ACAD11: variants seen among roughly 807,000 people sequenced by gnomAD.
ACAD11 encodes the protein acyl-Coenzyme A dehydrogenase family, member 11.
ACAD11 carries 83 observed loss-of-function variants against 102.2 expected under a neutral mutation model. The observed-to-expected ratio is 0.81, with a 90% CI of 0.68 to 0.97. The LOEUF (loss-of-function observed/expected upper bound fraction) is 0.97, where lower values mean the gene tolerates loss of function less well. Among genes scored for constraint, ACAD11 ranks in the 50% least tolerant of loss-of-function variants. The pLI is 0.00. For missense variants in ACAD11, 901 were observed against 951.7 expected (o/e 0.95, Z 0.70); for synonymous variants, 324 against 319.8 (o/e 1.01, Z -0.14).
In ACAD11 at chr3:132,644,798, T is replaced by G. The variant is rs1940655509; in HGVS notation, c.248A>C (p.Gln83Pro). The stretch of plus-strand genomic sequence containing the variant: ...TATCATTACATTTGTATACTATACC[T>G]GATGTGCTTTAGGAAGAAGTGAACC... ...PPGSLLPKAH[Q>P]IDREFKVQKA... The change falls in exon 2 of 20, where the codon CAG (glutamine) becomes CCG (proline). Residue 83 changes from glutamine to proline, a missense_variant and splice_region_variant. Physicochemically the swap from Gln to Pro is moderately conservative, Grantham distance 76. Coordinates refer to ENST00000264990, the MANE Select transcript of ACAD11 (RefSeq NM_032169.5). The G allele has an allele frequency of 1.3e-6, 2 of 1,595,296 alleles. No homozygotes were observed. Among genetic ancestry groups the G allele is most frequent in the Non-Finnish European group, 1.7e-6 (2 of 1,165,942 alleles).
chr3:132,641,653 GGAA>G (rs1205751283), intron 4 of ACAD11, among the ~76,000 whole-genome samples: 2 of 142,044 alleles, frequency 1.4e-5, no homozygotes, highest in Non-Finnish European at 3.1e-5. Flanking sequence ...AAGAAGAGGA[GGAA>G]GAAGAGGAGG....
intron 9 of ACAD11, among the ~76,000 whole-genome samples, chr3:132,622,899 G>C (rs1331905768): frequency 1.3e-5 from 2 of 152,186 alleles, no homozygotes; most frequent in African/African-American, 4.8e-5. Flanking sequence ...CTACTAGAAA[G>C]AAGCAACAGT....
chr3:132,604,955 A>AAATTTT (rs1190204487), intron 12 of ACAD11, 143 bp downstream of exon 12: 14 of 527,764 alleles, frequency 2.7e-5, no homozygotes, highest in Non-Finnish European at 4.4e-5. Context: ...ATTTAATAAC[A>AAATTTT]GGCTCAAAAT....
At chr3:132,619,971 T>A (rs1221431036) in intron 9 of ACAD11, among the ~76,000 whole-genome samples, 1 of 152,222 alleles carries the variant, frequency 6.6e-6, no homozygotes, top group East Asian at 1.9e-4. Context: ...CAGCCAAGTT[T>A]GTCCAGGGCA....
At chr3:132,600,383 A>T (rs1219959553) in intron 13 of ACAD11, 4 of 1,566,410 alleles carry the variant, frequency 2.6e-6, no homozygotes, top group Non-Finnish European at 1.7e-6. Flanking sequence ...TCTCTTTGCC[A>T]TCTAGATTGG....
chr3:132,645,951 T>C (rs1333635237), intron 1 of ACAD11: 1 of 152,238 alleles, frequency 6.6e-6, no homozygotes, highest in Non-Finnish European at 1.5e-5. Flanking sequence ...CAATTTATCT[T>C]TGATGCTGCA....
chr3:132,596,245 A>G (rs909035836), intron 13 of ACAD11, among the ~76,000 whole-genome samples: 1 of 152,164 alleles, frequency 6.6e-6, no homozygotes, highest in South Asian at 2.1e-4. Context: ...ACATGGACAC[A>G]TGGAGGGAAA....
intron 1 of ACAD11, among the ~76,000 whole-genome samples, chr3:132,649,056 C>A (rs748968869): frequency 6.6e-6 from 1 of 152,238 alleles, no homozygotes; most frequent in East Asian, 1.9e-4. Flanking sequence ...TCACCATTCT[C>A]CAGTCTCGAT....
intron 11 of ACAD11, among the ~76,000 whole-genome samples, chr3:132,610,481 T>C (rs11914633): frequency 0.37 from 56,776 of 151,602 alleles, 13,288 homozygotes; most frequent in East Asian, 0.71. Context: ...GCTAGCAAGA[T>C]TAATAAAGAA....
At chr3:132,626,391 CAA>C (rs796100994) in intron 9 of ACAD11, among the ~76,000 whole-genome samples, 6 of 135,368 alleles carry the variant, frequency 4.4e-5, no homozygotes, top group Non-Finnish European at 3.2e-5. Flanking sequence ...TCCATATTTA[CAA>C]AAAAAAAAAA....
At chr3:132,628,248 TA>T in intron 8 of ACAD11, 91 bp downstream of exon 8, 1 of 771,024 alleles carries the variant, frequency 1.3e-6, no homozygotes, top group Non-Finnish European at 2.0e-6. Flanking sequence ...GTGTATGCAA[TA>T]AAAATAATCC....
intron 17 of ACAD11, among the ~76,000 whole-genome samples, chr3:132,561,859 T>C (rs956015809): frequency 3.1e-4 from 47 of 152,232 alleles, no homozygotes; most frequent in African/African-American, 1.1e-3. Flanking sequence ...TGGCAACCAT[T>C]GATAGGTTCT....
intron 1 of ACAD11, among the ~76,000 whole-genome samples, chr3:132,652,176 C>G (rs1353069438): frequency 6.6e-6 from 1 of 152,106 alleles, no homozygotes; most frequent in Admixed American, 6.5e-5. Flanking sequence ...GGCAGTGGGT[C>G]TTTCCTGTGC....
At chr3:132,592,465 G>A (rs1168990849) in intron 13 of ACAD11, among the ~76,000 whole-genome samples, 1 of 152,096 alleles carries the variant, frequency 6.6e-6, no homozygotes, top group East Asian at 1.9e-4. Context: ...CAAGTGCCAG[G>A]ATTAAGTCAG....
chr3:132,579,664 T>C (rs1470271225), intron 13 of ACAD11, 106 bp from the exon 14 acceptor site: 20 of 804,578 alleles, frequency 2.5e-5, no homozygotes, highest in Non-Finnish European at 3.9e-5. Context: ...AGAAAACAAA[T>C]AGAGAGAACA....
In ACAD11 at chr3:132,561,130, T is replaced by C; in HGVS notation, c.2089A>G (p.Thr697Ala). 1 of 1,613,228 alleles carries C rather than the reference T, an allele frequency of 6.2e-7. No individual in the cohort carries two copies. The highest frequency in any genetic ancestry group is 8.5e-7 in the Non-Finnish European group (1 of 1,179,546). Residue 697 changes from threonine to alanine, a missense_variant, in exon 18 of 20, where the codon ACT (threonine) becomes GCT (alanine). Physicochemically the swap from Thr to Ala is moderately conservative, Grantham distance 58 (BLOSUM62 0). Coordinates refer to ENST00000264990, the MANE Select transcript of ACAD11 (RefSeq NM_032169.5). The stretch of plus-strand genomic sequence containing the variant: ...TTCTTAGCGCCAGCACTGCCCAGAG[T>C]GTCCATGCTGTGAGCAGCTTTCAGA... ...LTLKAAHSMD[T>A]LGSAGAKKEI...
intron 13 of ACAD11, chr3:132,600,916 G>T (rs768191948): frequency 2.5e-6 from 4 of 1,611,786 alleles, no homozygotes; most frequent in Middle Eastern, 3.3e-4. Flanking sequence ...TACCCCAGCT[G>T]GTTTTTTATA....
In ACAD11 at chr3:132,586,432, G is replaced by T. The variant is rs541477139; in HGVS notation, c.1622-6874C>A. 3.1e-4 allele frequency among the ~76,000 whole-genome samples: 47 copies of T among 152,000 alleles called. 1 individual carries two copies. Among genetic ancestry groups the T allele is most frequent in the African/African-American group, 1.1e-3 (46 of 41,478 alleles). ...GGTGCAGCACACCAACATGGCACATGTATACATATGTAACAAACCTAGACG... is the reference window on the plus strand; with the variant it reads ...GGTGCAGCACACCAACATGGCACATTTATACATATGTAACAAACCTAGACG... On this transcript the variant is annotated intron_variant, in intron 13 of 19. Coordinates refer to ENST00000264990, the MANE Select transcript of ACAD11 (RefSeq NM_032169.5).
intron 11 of ACAD11, chr3:132,618,231 A>T (rs1939485773): frequency 5.9e-6 from 1 of 169,340 alleles, no homozygotes; most frequent in Non-Finnish European, 1.2e-5. Flanking sequence ...TGCTCGGGAC[A>T]TAGTAGGTAA....
Sources: allele counts gnomAD v4.1 joint callset (sites outside exome capture counted in the v4.1 genomes callset), GRCh38; gene constraint gnomAD v4.1.1; transcripts MANE v1.5; gene names NCBI Gene and HGNC (gene_info 2026-07-23, HGNC 2026-07-21).